Variants in IKBKB observed in about 807,000 individuals in gnomAD.
IKBKB encodes inhibitor of nuclear factor kappa-B kinase subunit beta.
IKBKB carries 42 observed loss-of-function variants against 113.6 expected under a neutral mutation model. The ratio of observed to expected loss-of-function variants is 0.37; its 90% CI spans 0.29 to 0.48. IKBKB has a LOEUF of 0.48. IKBKB is among the 20% of genes least tolerant of loss of function. The pLI, the probability that IKBKB is intolerant of heterozygous loss-of-function variation, is 0.99. For synonymous variants in IKBKB, 296 were observed against 361.3 expected (o/e 0.82, Z 2.05); for missense variants, 673 against 939.7 (o/e 0.72, Z 3.71).
In IKBKB at chr8:42,299,890, C is replaced by T. The variant is rs17875694; in HGVS notation, c.389-5297C>T. 3.9e-3 allele frequency among the ~76,000 whole-genome samples: 597 copies of T among 152,356 alleles called. 7 individuals carry two copies. Among genetic ancestry groups the T allele is most frequent in the African/African-American group, 0.014 (562 of 41,584 alleles). On this transcript the variant is annotated intron_variant, in intron 5 of 21. Transcript: ENST00000520810. ...GATGTCACCTCATTTGCTCCTTTGA[C>T]GCTTGGCATTGCCATTACTGCTCTG...
chr8:42,296,541 C>T lies in IKBKB; in HGVS notation c.388+3029C>T, dbSNP rs140706185. ...GGGCATGCCTGTAATCCCAGCTACTCGGGGGGCTGAGGCAGGAGAATCACT... is the reference window on the plus strand; with the variant it reads ...GGGCATGCCTGTAATCCCAGCTACTTGGGGGGCTGAGGCAGGAGAATCACT... On this transcript the variant is annotated intron_variant, in intron 5 of 21. Transcript: ENST00000520810. Among the ~76,000 whole-genome samples, 387 of 151,960 alleles carry T rather than the reference C, an allele frequency of 2.5e-3. 5 individuals are homozygous for T. The highest frequency in any genetic ancestry group is 8.5e-3 in the African/African-American group (352 of 41,434).
intron 5 of IKBKB, among the ~76,000 whole-genome samples, chr8:42,300,748 T>C (rs753021644): frequency 3.3e-5 from 5 of 152,262 alleles, no homozygotes; most frequent in Non-Finnish European, 7.3e-5. Flanking sequence ...GGCTGTTATC[T>C]TCCTATGGCA....
rs1173755650 is a variant in IKBKB, at chr8:42,272,065, A to G, written c.-18-18A>G. On this transcript the variant is annotated intron_variant, in intron 1 of 21. Coordinates refer to ENST00000520810, the MANE Select transcript of IKBKB (RefSeq NM_001556.3). ...TTCTTAATCCTAACCTTTTTTCCCC[A>G]TCCCAAATTGCTTATAGAGTTAGCA... is the stretch of plus-strand genomic sequence containing the variant. 1 of 1,595,348 alleles carries G rather than the reference A, an allele frequency of 6.3e-7. No homozygotes were observed. Among genetic ancestry groups the G allele is most frequent in the Admixed American group, 1.8e-5 (1 of 56,752 alleles).
At chr8:42,288,007 C>T (rs1007092307) in intron 2 of IKBKB, among the ~76,000 whole-genome samples, 58 of 152,138 alleles carry the variant, frequency 3.8e-4, no homozygotes, top group African/African-American at 1.3e-3. Flanking sequence ...AACCTCTCTG[C>T]GCAGGAATGG....
intron 2 of IKBKB, among the ~76,000 whole-genome samples, chr8:42,277,713 A>G (rs1249788557): frequency 6.6e-6 from 1 of 152,048 alleles, no homozygotes; most frequent in South Asian, 2.1e-4. Context: ...TTCTGTGGCA[A>G]CTGGTTCTCC....
At chr8:42,326,118 C>G in intron 20 of IKBKB, 21 bp downstream of exon 20, 1 of 1,613,732 alleles carries the variant, frequency 6.2e-7, no homozygotes, top group Non-Finnish European at 8.5e-7. Context: ...CTTAGCAGTG[C>G]CAAGTGTGAC....
Position 42,316,201 on chromosome 8 carries a change from T to G in IKBKB, c.801-9T>G. ...AGTGTCTCCTCACACACTATGCTCC[T>G]CTCCACAGTGTCCTGGCTGAGCGAC... On this transcript the variant is annotated splice_polypyrimidine_tract_variant and intron_variant, in intron 9 of 21. Transcript: ENST00000520810. The surrounding 1 kb of genome is among the most constrained non-coding windows in gnomAD (Gnocchi z 4.5). The G allele has an allele frequency of 1.9e-6, 3 of 1,613,820 alleles. No homozygotes were observed. The highest frequency in any genetic ancestry group is 2.5e-6 in the Non-Finnish European group (3 of 1,179,886).
rs1318644526 is a variant in IKBKB at position 42,329,133 on chromosome 8, G to T, written c.2124G>T (p.Leu708=). 1.2e-6 allele frequency: 2 copies of T among 1,602,990 alleles called. No homozygotes were observed. The highest frequency in any genetic ancestry group is 1.3e-5 in the African/African-American group (1 of 74,212). ...LPEPAKKSEE[L]VAEAHNLCTL... ...TGATCATTTTCTTTAGTGAAGAACT[G>T]GTGGCTGAAGCACATAACCTCTGCA... Residue 708 remains leucine, a synonymous_variant, in exon 21 of 22, where the codon CTG becomes CTT. Coordinates refer to ENST00000520810, the MANE Select transcript of IKBKB (RefSeq NM_001556.3).
Position 42,321,003 on chromosome 8 carries a change from GT to G in IKBKB, c.1688+162del, listed in dbSNP as rs1448896010. On this transcript the variant is annotated intron_variant, in intron 16 of 21. Transcript: ENST00000520810. The stretch of plus-strand genomic sequence containing the variant: ...TCCAGCAAATCATCACTGAGCTTCA[GT>G]TTCCAAATCTGTTCAGTGACAAGAA... The G allele has an allele frequency of 5.8e-5, 30 of 517,342 alleles. No homozygotes were observed. The African/African-American group carries it at 5.8e-4, about 10-fold the overall frequency. The allele number at this position is 517,342 out of a possible 1,614,324, so 32.0% of individuals were successfully genotyped here. A position where few individuals can be genotyped will look rare whatever the true frequency, so the allele number is the denominator to read the frequency against.
At chr8:42,330,801 C>A in intron 21 of IKBKB, 113 bp from the exon 22 acceptor site, 1 of 1,552,930 alleles carries the variant, frequency 6.4e-7, no homozygotes, top group South Asian at 1.2e-5. Flanking sequence ...AGCCACTGTG[C>A]CTGGCTGGGT....
intron 2 of IKBKB, among the ~76,000 whole-genome samples, chr8:42,275,114 C>T (rs1341047010): frequency 6.6e-6 from 1 of 151,896 alleles, no homozygotes; most frequent in African/African-American, 2.4e-5. Flanking sequence ...TGACTTCAGG[C>T]GATCTGCCTG....
At chr8:42,279,989 C>T (rs1810015828) in intron 2 of IKBKB, among the ~76,000 whole-genome samples, 1 of 152,156 alleles carries the variant, frequency 6.6e-6, no homozygotes, top group African/African-American at 2.4e-5. Flanking sequence ...GCTGGGACTA[C>T]AGGCGTGAGA....
chr8:42,320,160 C>G (rs1424007277), intron 15 of IKBKB: 1 of 157,798 alleles, frequency 6.3e-6, no homozygotes, highest in Non-Finnish European at 1.4e-5. Context: ...GGGGCTTTTT[C>G]CTGGACTTAT....
intron 2 of IKBKB, among the ~76,000 whole-genome samples, chr8:42,284,960 G>A (rs944865215): frequency 6.7e-6 from 1 of 148,886 alleles, no homozygotes; most frequent in African/African-American, 2.5e-5. Flanking sequence ...GGGTTCAAGC[G>A]ATTCTCCTGC....
intron 15 of IKBKB, 196 bp from the exon 16 acceptor site, chr8:42,320,539 G>C: frequency 1.9e-6 from 1 of 521,394 alleles, no homozygotes; most frequent in Non-Finnish European, 3.4e-6. Flanking sequence ...ACTTGCCAAG[G>C]GGTCACACAG....
intron 3 of IKBKB, among the ~76,000 whole-genome samples, chr8:42,289,162 C>G (rs1191439922): frequency 6.6e-6 from 1 of 152,136 alleles, no homozygotes; most frequent in Non-Finnish European, 1.5e-5. Context: ...TTGCAGTGAG[C>G]CGAGATCAAG....
At chr8:42,323,883 C>T (rs1820241317) in intron 19 of IKBKB, among the ~76,000 whole-genome samples, 1 of 152,166 alleles carries the variant, frequency 6.6e-6, no homozygotes, top group East Asian at 1.9e-4. Flanking sequence ...ACTATATGCC[C>T]AGCAAGACAC....
At chr8:42,314,150 T>G in intron 8 of IKBKB, 172 bp from the exon 9 acceptor site, 1 of 624,086 alleles carries the variant, frequency 1.6e-6, no homozygotes, top group South Asian at 1.8e-5. Context: ...TGTACAGGTT[T>G]GTAGCCTAGG....
At chr8:42,272,062 C>A in intron 1 of IKBKB, 21 bp from the exon 2 acceptor site, 1 of 1,591,488 alleles carries the variant, frequency 6.3e-7, no homozygotes, top group Non-Finnish European at 8.6e-7. Context: ...ACCTTTTTTC[C>A]CCATCCCAAA....
Sources: allele counts gnomAD v4.1 joint callset (sites outside exome capture counted in the v4.1 genomes callset), GRCh38; gene constraint gnomAD v4.1.1; non-coding constraint Gnocchi (gnomAD v3.1); transcripts MANE v1.5; gene names NCBI Gene and HGNC (gene_info 2026-07-23, HGNC 2026-07-21).